The following SERP1 variants were observed in gnomAD, a reference collection of about 807,000 sequenced individuals.
SERP1 encodes the protein stress-associated endoplasmic reticulum protein 1.
SERP1 carries 6 observed loss-of-function variants against 8.8 expected under a neutral mutation model. That is an observed-to-expected ratio of 0.68 (90% CI 0.37 to 1.35). SERP1 has a LOEUF of 1.35. SERP1 is among the 40% of genes most tolerant of loss of function. The probability of loss-of-function intolerance (pLI) is 0.02; values close to 1 mark genes in which losing one functional copy is unlikely to be tolerated. For missense variants in SERP1, 52 were observed against 86.2 expected, an observed-to-expected ratio of 0.60 and a Z score of 1.57; for synonymous variants, 36 against 28.7, an observed-to-expected ratio of 1.25 and a Z score of -0.81.
chr3:150,543,225 T>C lies in SERP1; in HGVS notation c.*1233A>G, dbSNP rs1375976415. ...GCTCAGGTTTTTTTTCACCAAGTTA[T>C]GGCTAAGTATACAAATAGCCAATAC... On this transcript the variant is annotated 3_prime_UTR_variant, in exon 3 of 3. Coordinates refer to ENST00000239944, the MANE Select transcript of SERP1 (RefSeq NM_014445.4). The C allele has an allele frequency of 6.6e-6, 1 of 152,606 alleles. No individual in the cohort carries two copies. The highest frequency in any genetic ancestry group is 2.4e-5 in the African/African-American group (1 of 41,440). 9.5% of individuals were successfully genotyped at this position (152,606 alleles called of 1,614,324 possible).
intron 2 of SERP1, among the ~76,000 whole-genome samples, chr3:150,545,189 C>A (rs1006129367): frequency 2.6e-5 from 4 of 151,976 alleles, no homozygotes; most frequent in African/African-American, 9.7e-5. Context: ...CTTTTATTAA[C>A]CTAAAAACAT....
At position 150,546,493 on chromosome 3, in the gene SERP1, A is replaced by G. The variant is rs867596217; in HGVS notation, c.-358T>C. 6 of 572,388 alleles carry G rather than the reference A, an allele frequency of 1.0e-5. No homozygotes were observed. Among genetic ancestry groups the G allele is most frequent in the Middle Eastern group, 9.3e-4 (2 of 2,154 alleles). 35.5% of individuals were successfully genotyped at this position (572,388 alleles called of 1,614,324 possible). A position where few individuals can be genotyped will look rare whatever the true frequency, so the allele number is the denominator to read the frequency against. ...CGGGAATGTGCAGCCCGCCGCCTCG[A>G]TCTACTTTGGGTTCGGCTGCCAACG... On this transcript the variant is annotated 5_prime_UTR_variant, in exon 1 of 3. Coordinates refer to ENST00000239944, the MANE Select transcript of SERP1 (RefSeq NM_014445.4).
rs192313487 is a variant in SERP1, at chr3:150,546,114, G to C, written c.22C>G (p.Arg8Gly). MVAKQRI[R>G]MANEKHSKNI... is the part of the protein sequence containing the mutation. ...TTGCTGTGCTTCTCGTTGGCCATAC[G>C]GATCCTTTGCTTGGCGACCATCTTC... The change falls in exon 1 of 3, where the codon CGT becomes GGT. Residue 8 changes from arginine to glycine, a missense_variant. Arg to Gly is a moderately radical substitution (Grantham distance 125, BLOSUM62 -2). Transcript: ENST00000239944. The C allele has an allele frequency of 6.2e-7, 1 of 1,613,616 alleles. No homozygotes were observed. The highest frequency in any genetic ancestry group is 8.5e-7 in the Non-Finnish European group (1 of 1,179,862).
In SERP1 at chr3:150,545,755, C is replaced by T. The variant is rs75292682; in HGVS notation, c.108G>A (p.Ala36=). ...KTSRNAPEEK[A]SVGPWLLALF... ...GAGCCAATAACCAGGGTCCTACAGA[C>T]GCCTTCTCTTCGGGGGCATTTCTCT... Residue 36 remains alanine, a synonymous_variant, in exon 2 of 3, where the codon GCG becomes GCA. Transcript: ENST00000239944. 74 of 1,608,902 alleles carry T rather than the reference C, an allele frequency of 4.6e-5. No homozygotes were observed. The East Asian group carries it at 9.4e-4, about 20-fold the overall frequency.
At chr3:150,545,119 A>ACT (rs1722952467) in intron 2 of SERP1, among the ~76,000 whole-genome samples, 1 of 152,144 alleles carries the variant, frequency 6.6e-6, no homozygotes, top group Non-Finnish European at 1.5e-5. Context: ...AGTGTCTGTT[A>ACT]CTCTTAGGGG....
chr3:150,545,632 A>G, intron 2 of SERP1, 71 bp downstream of exon 2: 1 of 1,448,506 alleles, frequency 6.9e-7, no homozygotes, highest in Non-Finnish European at 9.5e-7. Flanking sequence ...CTCACTACTG[A>G]CCGGTCACCA....
At position 150,546,352 on chromosome 3, in the gene SERP1, G is replaced by A. The variant is rs1316281858; in HGVS notation, c.-217C>T. 8.5e-6 allele frequency: 5 copies of A among 585,188 alleles called. No individual in the cohort carries two copies. Among genetic ancestry groups the A allele is most frequent in the African/African-American group, 3.9e-5 (2 of 51,058 alleles). The allele number at this position is 585,188 out of a possible 1,614,324, so 36.2% of individuals were successfully genotyped here. On this transcript the variant is annotated 5_prime_UTR_variant, in exon 1 of 3. Coordinates refer to ENST00000239944, the MANE Select transcript of SERP1 (RefSeq NM_014445.4). ...GCCGCCGACTGACTGACCGAGCGGGGCAGGTGCGCAGGAGGAAGAGAACTG... is the reference window on the plus strand; with the variant it reads ...GCCGCCGACTGACTGACCGAGCGGGACAGGTGCGCAGGAGGAAGAGAACTG...
chr3:150,544,703 G>C (rs984420679), intron 2 of SERP1, among the ~76,000 whole-genome samples: 2 of 152,148 alleles, frequency 1.3e-5, no homozygotes, highest in African/African-American at 2.4e-5. Flanking sequence ...TTTTATCTTA[G>C]CTTCGCTGAA....
rs895019788 is a variant in SERP1, at chr3:150,542,173, C to T, written c.*2285G>A. 1 of 152,192 alleles carries T rather than the reference C, an allele frequency of 6.6e-6. No individual in the cohort carries two copies. Among genetic ancestry groups the T allele is most frequent in the African/African-American group, 2.4e-5 (1 of 41,450 alleles). The allele number at this position is 152,192 out of a possible 1,614,324, so 9.4% of individuals were successfully genotyped here. A position where few individuals can be genotyped will look rare whatever the true frequency, so the allele number is the denominator to read the frequency against. On this transcript the variant is annotated 3_prime_UTR_variant, in exon 3 of 3. Transcript: ENST00000239944. ...GTTAGAGTTAAACCACAAAGAGTAA[C>T]TGAGTAATGTTGACAACCCCAATAT... is the stretch of plus-strand genomic sequence containing the variant.
intron 2 of SERP1, 103 bp downstream of exon 2, chr3:150,545,600 G>A (rs1215819228): frequency 9.2e-7 from 1 of 1,091,640 alleles, no homozygotes; most frequent in Non-Finnish European, 1.4e-6. Context: ...CGGCAGGTGG[G>A]TTGAGAACTA....
At position 150,546,103 on chromosome 3, in the gene SERP1, G is replaced by C; in HGVS notation, c.33C>G (p.Asn11Lys). 6.2e-7 allele frequency: 1 copy of C among 1,613,740 alleles called. No homozygotes were observed. Among genetic ancestry groups the C allele is most frequent in the Non-Finnish European group, 8.5e-7 (1 of 1,179,884 alleles). Residue 11 changes from asparagine to lysine, a missense_variant, in exon 1 of 3, where the codon AAC becomes AAG. Asn to Lys is a moderately conservative substitution (Grantham distance 94). Coordinates refer to ENST00000239944, the MANE Select transcript of SERP1 (RefSeq NM_014445.4). MVAKQRIRMA[N>K]EKHSKNITQR... ...GGGTGATGTTCTTGCTGTGCTTCTC[G>C]TTGGCCATACGGATCCTTTGCTTGG... is the stretch of plus-strand genomic sequence containing the variant.
At position 150,542,920 on chromosome 3, in the gene SERP1, TAAC is replaced by T. The variant is rs1722904419; in HGVS notation, c.*1535_*1537del. ...TGATTAACTGGGTGAGAAAGGCAAG[TAAC>T]AATTTAGTTAAAAACCTGCTGGCCC... On this transcript the variant is annotated 3_prime_UTR_variant, in exon 3 of 3. Transcript: ENST00000239944. 6.6e-6 allele frequency: 1 copy of T among 152,594 alleles called. No individual in the cohort carries two copies. The highest frequency in any genetic ancestry group is 2.4e-5 in the African/African-American group (1 of 41,440). The allele number at this position is 152,594 out of a possible 1,614,324, so 9.5% of individuals were successfully genotyped here.
chr3:150,545,349 C>A (rs897653323), intron 2 of SERP1: 4 of 392,624 alleles, frequency 1.0e-5, no homozygotes, highest in East Asian at 3.9e-5. Context: ...ATCTATAGTA[C>A]ATATTTATAA....
rs994599930 is a variant in SERP1 at position 150,543,727 on chromosome 3, T to C, written c.*731A>G. 6.6e-6 allele frequency: 1 copy of C among 151,994 alleles called. No individual in the cohort carries two copies. Among genetic ancestry groups the C allele is most frequent in the African/African-American group, 2.4e-5 (1 of 41,340 alleles). 9.4% of individuals were successfully genotyped at this position (151,994 alleles called of 1,614,324 possible). On this transcript the variant is annotated 3_prime_UTR_variant, in exon 3 of 3. Coordinates refer to ENST00000239944, the MANE Select transcript of SERP1 (RefSeq NM_014445.4). ...CTGACTTCACTCCACCACGGTAGCT[T>C]TTAGTGAAACCACAGTAACTGATTA...
rs1486419214 is a variant in SERP1, at chr3:150,542,849, A to ATGTTTTGGGTCTTG, written c.*1608_*1609insCAAGACCCAAAACA. On this transcript the variant is annotated 3_prime_UTR_variant, in exon 3 of 3. Transcript: ENST00000239944. The stretch of plus-strand genomic sequence containing the variant: ...TTTAGCACAACCATAAAACAGAATT[A>ATGTTTTGGGTCTTG]GTTAACCAAGACACTTGTTTCAAAA... 2 of 152,682 alleles carry ATGTTTTGGGTCTTG rather than the reference A, an allele frequency of 1.3e-5. No individual in the cohort carries two copies. The highest frequency in any genetic ancestry group is 2.9e-5 in the Non-Finnish European group (2 of 68,042). The allele number at this position is 152,682 out of a possible 1,614,324, so 9.5% of individuals were successfully genotyped here. A position where few individuals can be genotyped will look rare whatever the true frequency, so the allele number is the denominator to read the frequency against.
In SERP1 at chr3:150,544,104, TA is replaced by T. The variant is rs1176968572; in HGVS notation, c.*353del. 5 of 210,418 alleles carry T rather than the reference TA, an allele frequency of 2.4e-5. No individual in the cohort carries two copies. The highest frequency in any genetic ancestry group is 4.7e-5 in the Non-Finnish European group (5 of 106,008). The allele number at this position is 210,418 out of a possible 1,614,324, so 13.0% of individuals were successfully genotyped here. A position where few individuals can be genotyped will look rare whatever the true frequency, so the allele number is the denominator to read the frequency against. ...GCTAACTGCAGTTATACATTTGGGTTAACAAAATCTAGACCCTGTCTATGCA... is the reference window on the plus strand; with the variant it reads ...GCTAACTGCAGTTATACATTTGGGTTACAAAATCTAGACCCTGTCTATGCA... On this transcript the variant is annotated 3_prime_UTR_variant, in exon 3 of 3. Transcript: ENST00000239944.
chr3:150,545,657 C>T, intron 2 of SERP1, 46 bp downstream of exon 2: 1 of 1,562,862 alleles, frequency 6.4e-7, no homozygotes, highest in African/African-American at 1.4e-5. Context: ...ATCCCAAATC[C>T]TTTCAACCCA....
At position 150,546,041 on chromosome 3, in the gene SERP1, T is replaced by A; in HGVS notation, c.84+11A>T. ...CTGCGGAACGCAGAGGGGCGCCCGC[T>A]CTTTCCTTACCGAGGTCTTGGCGAC... is the stretch of plus-strand genomic sequence containing the variant. On this transcript the variant is annotated intron_variant, in intron 1 of 2. Coordinates refer to ENST00000239944, the MANE Select transcript of SERP1 (RefSeq NM_014445.4). 6.2e-7 allele frequency: 1 copy of A among 1,613,450 alleles called. No homozygotes were observed. The highest frequency in any genetic ancestry group is 2.2e-5 in the East Asian group (1 of 44,854).
In SERP1 at chr3:150,542,951, G is replaced by C. The variant is rs1454075603; in HGVS notation, c.*1507C>G. 1 of 152,556 alleles carries C rather than the reference G, an allele frequency of 6.6e-6. No individual in the cohort carries two copies. Among genetic ancestry groups the C allele is most frequent in the African/African-American group, 2.4e-5 (1 of 41,460 alleles). 9.5% of individuals were successfully genotyped at this position (152,556 alleles called of 1,614,324 possible). A position where few individuals can be genotyped will look rare whatever the true frequency, so the allele number is the denominator to read the frequency against. ...TTTAGTTAAAAACCTGCTGGCCCAAGGTCAGTTGATTCATTCCTTATTCCA... is the reference window on the plus strand; with the variant it reads ...TTTAGTTAAAAACCTGCTGGCCCAACGTCAGTTGATTCATTCCTTATTCCA... On this transcript the variant is annotated 3_prime_UTR_variant, in exon 3 of 3. Coordinates refer to ENST00000239944, the MANE Select transcript of SERP1 (RefSeq NM_014445.4).
Sources: allele counts gnomAD v4.1 joint callset (sites outside exome capture counted in the v4.1 genomes callset), GRCh38; gene constraint gnomAD v4.1.1; transcripts MANE v1.5; gene names NCBI Gene and HGNC (gene_info 2026-07-23, HGNC 2026-07-21).